Variants in DPH6 observed in about 807,000 individuals in gnomAD.
DPH6 encodes diphthine--ammonia ligase.
Under a neutral mutation model 38.2 loss-of-function variants are expected in DPH6, and 33 were observed. The observed-to-expected ratio is 0.86, with a 90% CI of 0.65 to 1.15. The LOEUF is 1.15. DPH6 is among the 50% of genes most tolerant of loss of function. The pLI is 0.00. For missense variants in DPH6, 325 were observed against 320.0 expected, an observed-to-expected ratio of 1.02 and a Z score of -0.12; for synonymous variants, 108 against 103.0, an observed-to-expected ratio of 1.05 and a Z score of -0.30.
At chr15:35,196,965 T>C in the DPH6 span, among the ~76,000 whole-genome samples, 4 of 152,192 alleles carry the variant, frequency 2.6e-5, no homozygotes, top group African/African-American at 9.6e-5. Flanking sequence ...TTTTTTGAAA[T>C]ATGCAATGAA....
chr15:35,216,519 T>C (rs564822682), downstream of DPH6, among the ~76,000 whole-genome samples: 2 of 152,268 alleles, frequency 1.3e-5, no homozygotes, highest in African/African-American at 4.8e-5. Flanking sequence ...TAATGAATAA[T>C]TTAATACTAG....
At chr15:35,299,511 C>G (rs1039405532) in intron 3 of DPH6, 8 of 675,774 alleles carry the variant, frequency 1.2e-5, no homozygotes, top group Middle Eastern at 4.2e-4. Flanking sequence ...AGCGCGGAGC[C>G]GGGGAGGCAG....
chr15:35,159,058 T>C, the DPH6 span, among the ~76,000 whole-genome samples: 3 of 152,108 alleles, frequency 2.0e-5, no homozygotes, highest in African/African-American at 7.2e-5. Flanking sequence ...TACTTCTACT[T>C]TTCTAAGCTG....
intron 3 of DPH6, among the ~76,000 whole-genome samples, chr15:35,486,761 A>C (rs1239028428): frequency 6.6e-6 from 1 of 152,194 alleles, no homozygotes; most frequent in African/African-American, 2.4e-5. Context: ...CCAAAGTCTT[A>C]ACTAATTAAC....
At chr15:35,357,163 T>A (rs1471225159) in intron 3 of DPH6, among the ~76,000 whole-genome samples, 2 of 152,238 alleles carry the variant, frequency 1.3e-5, no homozygotes, top group East Asian at 3.9e-4. Context: ...ATGACCCAAT[T>A]TTCTAGGTCC....
chr15:35,542,462 A>T lies in DPH6; in HGVS notation c.69T>A (p.Ala23=). The part of the protein sequence containing the change: ...SCYNMMQCIA[A]GHQIVALANL... ...TTGCTAAAGCAACGATCTGATGCCC[A>T]GCAGCAATGCACTGCATCATATTAT... The change falls in exon 2 of 9, where the codon GCT becomes GCA. Residue 23 remains alanine, a synonymous_variant. Coordinates refer to ENST00000256538, the MANE Select transcript of DPH6 (RefSeq NM_080650.4). 1.3e-6 allele frequency: 2 copies of T among 1,582,448 alleles called. No homozygotes were observed. The highest frequency in any genetic ancestry group is 1.7e-6 in the Non-Finnish European group (2 of 1,155,266).
chr15:35,224,257 C>G (rs2051464213), intron 3 of DPH6, among the ~76,000 whole-genome samples: 1 of 151,982 alleles, frequency 6.6e-6, no homozygotes, highest in Admixed American at 6.6e-5. Context: ...CAGGCACCCA[C>G]CACCATGCCC....
At chr15:35,161,004 T>G in the DPH6 span, among the ~76,000 whole-genome samples, 2 of 149,650 alleles carry the variant, frequency 1.3e-5, no homozygotes, top group African/African-American at 4.9e-5. Flanking sequence ...GTGGAGGGAG[T>G]GGGGAGGGAT....
the DPH6 span, among the ~76,000 whole-genome samples, chr15:35,152,268 T>C: frequency 1.3e-5 from 2 of 152,160 alleles, no homozygotes; most frequent in Non-Finnish European, 2.9e-5. Context: ...CTTACTGTAT[T>C]AGTTCCTTGA....
At chr15:35,235,986 G>A (rs1270704290) in intron 3 of DPH6, among the ~76,000 whole-genome samples, 1 of 143,878 alleles carries the variant, frequency 7.0e-6, no homozygotes, top group African/African-American at 2.4e-5. Flanking sequence ...GCCACCACAT[G>A]TTTAGTTTAA....
chr15:35,509,806 T>C (rs1595430053), intron 3 of DPH6, among the ~76,000 whole-genome samples: 1 of 152,256 alleles, frequency 6.6e-6, no homozygotes, highest in Non-Finnish European at 1.5e-5. Context: ...TTCTTACTTA[T>C]CTTTCTTTGG....
At chr15:35,401,993 G>A (rs2053226548) in intron 6 of DPH6, among the ~76,000 whole-genome samples, 1 of 152,160 alleles carries the variant, frequency 6.6e-6, no homozygotes, top group South Asian at 2.1e-4. Context: ...TCTCTTCTGT[G>A]GAAAGTGTAA....
intron 3 of DPH6, among the ~76,000 whole-genome samples, chr15:35,325,214 C>T (rs2052272493): frequency 6.6e-6 from 1 of 151,474 alleles, no homozygotes; most frequent in Non-Finnish European, 1.5e-5. Context: ...TTTTTTTATT[C>T]AAATTGACAA....
rs188800446 is a variant in DPH6, at chr15:35,425,908, G to A, written c.506-15012C>T. ...GCCTAAGTTACTTTTAGGACAGCCT[G>A]CCTTACCCAGTGAAGAAAATGATAT... On this transcript the variant is annotated intron_variant, in intron 5 of 8. Coordinates refer to ENST00000256538, the MANE Select transcript of DPH6 (RefSeq NM_080650.4). Among the ~76,000 whole-genome samples the A allele has an allele frequency of 3.1e-3, 472 of 150,744 alleles. 2 individuals carry two copies. Among genetic ancestry groups the A allele is most frequent in the Non-Finnish European group, 3.5e-3 (236 of 67,336 alleles).
At chr15:35,320,419 T>G (rs1373980121) in intron 3 of DPH6, among the ~76,000 whole-genome samples, 2 of 152,132 alleles carry the variant, frequency 1.3e-5, no homozygotes, top group Admixed American at 1.3e-4. Context: ...TTGGGGCCCA[T>G]AAGTCAGGGG....
chr15:35,487,343 CT>C (rs1338990060), intron 3 of DPH6, among the ~76,000 whole-genome samples: 3 of 152,248 alleles, frequency 2.0e-5, no homozygotes, highest in African/African-American at 4.8e-5. Context: ...GGCTCTGCCC[CT>C]GCAGCAGACT....
chr15:35,538,357 T>C lies in DPH6; in HGVS notation c.229A>G (p.Arg77Gly). Residue 77 changes from arginine to glycine, a missense_variant, in exon 3 of 9, where the codon AGG becomes GGG. Coordinates refer to ENST00000256538, the MANE Select transcript of DPH6 (RefSeq NM_080650.4). The stretch of plus-strand genomic sequence containing the variant: ...TACACTTGTCTTGTATCCAAGCTCC[T>C]TCCTCTTATGGTTCGGCGATAGAGG... ...LPLYRRTIRG[R>G]SLDTRQVYTK... 1 of 1,611,956 alleles carries C rather than the reference T, an allele frequency of 6.2e-7. No homozygotes were observed. The highest frequency in any genetic ancestry group is 1.3e-5 in the African/African-American group (1 of 75,010).
chr15:35,216,753 G>A (rs992966483), downstream of DPH6, among the ~76,000 whole-genome samples: 1 of 152,062 alleles, frequency 6.6e-6, no homozygotes, highest in Admixed American at 6.6e-5. Context: ...ATGCCAAGAG[G>A]GCCATTGAAT....
At chr15:35,519,722 T>G (rs904366818) in intron 3 of DPH6, 1 of 152,390 alleles carries the variant, frequency 6.6e-6, no homozygotes, top group Admixed American at 6.6e-5. Flanking sequence ...TAAAAGACTA[T>G]AGAGGGCACT....
Sources: allele counts gnomAD v4.1 joint callset (sites outside exome capture counted in the v4.1 genomes callset), GRCh38; gene constraint gnomAD v4.1.1; transcripts MANE v1.5; gene names NCBI Gene and HGNC (gene_info 2026-07-23, HGNC 2026-07-21).